The following LHFPL3 variants were observed in gnomAD, a reference collection of about 807,000 sequenced individuals.
LHFPL3 encodes the protein LHFPL tetraspan subfamily member 3.
A neutral mutation model predicts 19.3 loss-of-function variants in LHFPL3; 5 were observed. The ratio of observed to expected loss-of-function variants is 0.26; its 90% confidence interval spans 0.14 to 0.54. The LOEUF (loss-of-function observed/expected upper bound fraction) is 0.54. LHFPL3 is among the 20% of genes least tolerant of loss of function. LHFPL3 has a pLI of 0.94. For missense variants in LHFPL3, 249 were observed against 307.4 expected (o/e 0.81, Z 1.42); for synonymous variants, 133 against 126.2 (o/e 1.05, Z -0.36).
intron 1 of LHFPL3, among the ~76,000 whole-genome samples, chr7:104,673,780 C>T (rs894466052): frequency 1.3e-5 from 2 of 152,132 alleles, no homozygotes; most frequent in Non-Finnish European, 2.9e-5. Context: ...GAGCTCAGAA[C>T]TGAATTAGAA....
intron 1 of LHFPL3, among the ~76,000 whole-genome samples, chr7:104,388,296 TATACCCAATAATAGG>T (rs1325041927): frequency 2.0e-5 from 3 of 152,172 alleles, no homozygotes; most frequent in Non-Finnish European, 4.4e-5. Context: ...CCTTTGGGTG[TATACCCAATAATAGG>T]ATTGCTGAGT....
intron 2 of LHFPL3, among the ~76,000 whole-genome samples, chr7:104,905,941 A>C (rs546675746): frequency 6.6e-6 from 1 of 152,354 alleles, no homozygotes; most frequent in East Asian, 1.9e-4. Flanking sequence ...AGCAGCCTCT[A>C]ATCTTGACCC....
At chr7:104,669,835 AC>A (rs1387722467) in intron 1 of LHFPL3, among the ~76,000 whole-genome samples, 2 of 152,192 alleles carry the variant, frequency 1.3e-5, no homozygotes, top group Admixed American at 1.3e-4. Context: ...GCGTTATGTC[AC>A]CATGCAGTTG....
intron 1 of LHFPL3, among the ~76,000 whole-genome samples, chr7:104,508,473 G>C (rs1178058918): frequency 8.4e-6 from 1 of 119,332 alleles, no homozygotes; most frequent in African/African-American, 3.3e-5. Context: ...GTGGGGGGAG[G>C]GGGGAGGGAT....
intron 1 of LHFPL3, among the ~76,000 whole-genome samples, chr7:104,388,379 T>A (rs563865406): frequency 2.8e-4 from 43 of 152,132 alleles, no homozygotes; most frequent in Non-Finnish European, 6.0e-4. Context: ...AAACAACTTA[T>A]CATGTAAAAG....
At chr7:104,731,532 A>T (rs548803058) in intron 1 of LHFPL3, among the ~76,000 whole-genome samples, 99 of 152,112 alleles carry the variant, frequency 6.5e-4, no homozygotes, top group African/African-American at 2.3e-3. Flanking sequence ...TTTGTCTGTT[A>T]TTGGTGTATA....
At chr7:104,543,903 T>TAATA (rs1794533513) in intron 1 of LHFPL3, among the ~76,000 whole-genome samples, 1 of 145,398 alleles carries the variant, frequency 6.9e-6, no homozygotes, top group African/African-American at 2.5e-5. Flanking sequence ...TACCCCAAAA[T>TAATA]ATAATAATAA....
chr7:104,700,988 C>T (rs1793090263), intron 1 of LHFPL3, among the ~76,000 whole-genome samples: 1 of 152,136 alleles, frequency 6.6e-6, no homozygotes, highest in Non-Finnish European at 1.5e-5. Flanking sequence ...GATCTGACAC[C>T]TTCATCTTTC....
intron 2 of LHFPL3, among the ~76,000 whole-genome samples, chr7:104,864,645 C>T (rs1791685987): frequency 6.6e-6 from 1 of 152,230 alleles, no homozygotes; most frequent in African/African-American, 2.4e-5. Context: ...CTGCCTGCCT[C>T]TGTAGACTCC....
chr7:104,391,058 G>A (rs950839687), intron 1 of LHFPL3, among the ~76,000 whole-genome samples: 2 of 152,118 alleles, frequency 1.3e-5, no homozygotes, highest in Middle Eastern at 6.8e-3. Context: ...AAATTTGTTT[G>A]AGTTCTTTGT....
At chr7:104,361,981 C>A (rs1790396906) in intron 1 of LHFPL3, among the ~76,000 whole-genome samples, 1 of 152,180 alleles carries the variant, frequency 6.6e-6, no homozygotes, top group South Asian at 2.1e-4. Flanking sequence ...CACCACCTGA[C>A]CAACACTGAG....
rs538852921 is a variant in LHFPL3 at position 104,865,973 on chromosome 7, C to A, written c.683-40214C>A. Reference sequence around the variant, plus strand: ...ACCCAGAATTTCATATCCAGCCAAACCAAGCTTCATAAGTGAAGGAGAAAT... The same window carrying A: ...ACCCAGAATTTCATATCCAGCCAAAACAAGCTTCATAAGTGAAGGAGAAAT... On this transcript the variant is annotated intron_variant, in intron 2 of 2. Coordinates refer to ENST00000424859, the MANE Select transcript of LHFPL3 (RefSeq NM_199000.3). Among the ~76,000 whole-genome samples the A allele has an allele frequency of 2.0e-5, 3 of 152,288 alleles. No individual in the cohort carries two copies. In the South Asian group the frequency reaches 6.2e-4, roughly 32 times the overall value.
At chr7:104,381,899 A>G (rs1383535443) in intron 1 of LHFPL3, among the ~76,000 whole-genome samples, 1 of 152,238 alleles carries the variant, frequency 6.6e-6, no homozygotes, top group Non-Finnish European at 1.5e-5. Context: ...AGGAGACACC[A>G]ATCTGATTTA....
At chr7:104,539,096 AACCCTGTCAAC>A (rs1168167905) in intron 1 of LHFPL3, among the ~76,000 whole-genome samples, 1 of 152,202 alleles carries the variant, frequency 6.6e-6, no homozygotes, top group Admixed American at 6.5e-5. Context: ...AAAGTAATAC[AACCCTGTCAAC>A]ACCTTGATTT....
At chr7:104,745,244 C>A (rs757716787) in intron 2 of LHFPL3, among the ~76,000 whole-genome samples, 1 of 152,154 alleles carries the variant, frequency 6.6e-6, no homozygotes, top group Non-Finnish European at 1.5e-5. Context: ...CAGAAGCTGC[C>A]CCTTCCTCTT....
intron 1 of LHFPL3, among the ~76,000 whole-genome samples, chr7:104,552,772 GTAATTTACAGAAT>G (rs1794687368): frequency 6.6e-6 from 1 of 152,146 alleles, no homozygotes; most frequent in Non-Finnish European, 1.5e-5. Flanking sequence ...CTTGCTGATT[GTAATTTACAGAAT>G]CCAATGAAGA....
chr7:104,470,171 G>A, intron 1 of LHFPL3: 2 of 424,752 alleles, frequency 4.7e-6, no homozygotes, highest in Admixed American at 5.0e-5. Flanking sequence ...CTGTTCTTAG[G>A]ATCTGGCCAC....
At chr7:104,765,800 C>T (rs550940947) in intron 2 of LHFPL3, among the ~76,000 whole-genome samples, 8 of 152,066 alleles carry the variant, frequency 5.3e-5, no homozygotes, top group African/African-American at 1.4e-4. Context: ...TGGGCATTTC[C>T]GCTCCCCACA....
chr7:104,459,456 T>G (rs1792615131), intron 1 of LHFPL3, among the ~76,000 whole-genome samples: 1 of 152,194 alleles, frequency 6.6e-6, no homozygotes, highest in South Asian at 2.1e-4. Context: ...GCCAGGAATA[T>G]TCGTGTGAGG....
Sources: gnomAD v4.1 joint callset for allele counts (sites outside exome capture counted in the v4.1 genomes callset) on GRCh38, gnomAD v4.1.1 for gene constraint, MANE v1.5 for transcripts, NCBI Gene and HGNC (gene_info 2026-07-23, HGNC 2026-07-21) for gene names.